Variants in NLGN1 observed in about 807,000 individuals in gnomAD.
The protein encoded by NLGN1 is neuroligin-1.
NLGN1 carries 12 observed loss-of-function variants against 65.5 expected under a neutral mutation model. The observed-to-expected ratio is 0.18, with a 90% CI of 0.12 to 0.30. The LOEUF (loss-of-function observed/expected upper bound fraction) is 0.30, where lower values mean the gene tolerates loss of function less well. NLGN1 is among the 10% of genes least tolerant of loss of function. The pLI is 1.00. For missense variants in NLGN1, 750 were observed against 1,007.1 expected (o/e 0.74, Z 3.46); for synonymous variants, 350 against 359.5 (o/e 0.97, Z 0.30).
intron 1 of NLGN1, among the ~76,000 whole-genome samples, chr3:173,419,515 A>G (rs1261579133): frequency 2.0e-5 from 3 of 152,042 alleles, no homozygotes; most frequent in Non-Finnish European, 4.4e-5. Context: ...CTTTGGATTT[A>G]GGCAGTTTTT....
intron 3 of NLGN1, among the ~76,000 whole-genome samples, chr3:173,700,973 A>T (rs936812702): frequency 2.6e-5 from 4 of 152,064 alleles, no homozygotes; most frequent in Middle Eastern, 3.2e-3. Context: ...AAAATACAAA[A>T]AATTAGCTGG....
chr3:173,614,445 C>T (rs953761507), intron 3 of NLGN1, among the ~76,000 whole-genome samples: 2 of 152,072 alleles, frequency 1.3e-5, no homozygotes, highest in South Asian at 2.1e-4. Flanking sequence ...CTGCAACATC[C>T]TCTAACTCTC....
intron 4 of NLGN1, among the ~76,000 whole-genome samples, chr3:174,104,086 C>T (rs990569510): frequency 4.6e-5 from 7 of 151,970 alleles, no homozygotes; most frequent in Non-Finnish European, 1.0e-4. Context: ...TTTCATTTCG[C>T]AGTCTTTTGC....
At chr3:173,866,663 G>T (rs1157659887) in intron 4 of NLGN1, among the ~76,000 whole-genome samples, 1 of 152,112 alleles carries the variant, frequency 6.6e-6, no homozygotes, top group Non-Finnish European at 1.5e-5. Flanking sequence ...TGATTTGTTG[G>T]TTTTATATAA....
chr3:173,724,927 C>T (rs188380045), intron 3 of NLGN1, among the ~76,000 whole-genome samples: 220 of 151,492 alleles, frequency 1.5e-3, no homozygotes, highest in Non-Finnish European at 2.1e-3. Flanking sequence ...CAAACTATCG[C>T]AAGGACAGAA....
chr3:173,794,696 G>A (rs1713620270), intron 3 of NLGN1, among the ~76,000 whole-genome samples: 1 of 152,124 alleles, frequency 6.6e-6, no homozygotes, highest in South Asian at 2.1e-4. Context: ...CAAATATAGT[G>A]TTAAAGAATA....
intron 2 of NLGN1, among the ~76,000 whole-genome samples, chr3:173,507,229 T>C (rs1259260022): frequency 1.3e-5 from 2 of 152,078 alleles, no homozygotes; most frequent in Admixed American, 6.6e-5. Flanking sequence ...ACCACACAAA[T>C]CTATGCTTTT....
chr3:174,058,700 T>C lies in NLGN1; in HGVS notation c.647-216615T>C, dbSNP rs560254952. Among the ~76,000 whole-genome samples, 4 of 152,246 alleles carry C rather than the reference T, an allele frequency of 2.6e-5. No individual in the cohort carries two copies. The East Asian group carries it at 7.7e-4, about 29-fold the overall frequency. On this transcript the variant is annotated intron_variant, in intron 4 of 6. Coordinates refer to ENST00000457714, the Ensembl canonical transcript of NLGN1. The stretch of plus-strand genomic sequence containing the variant: ...CTTATTATTTTACCTGACCTACCTC[T>C]GCCTGAACCTGTATGGGTAGTTTAG...
chr3:174,111,076 G>T (rs1715119117), intron 4 of NLGN1, among the ~76,000 whole-genome samples: 1 of 151,934 alleles, frequency 6.6e-6, no homozygotes, highest in Non-Finnish European at 1.5e-5. Context: ...CTGTATTTAA[G>T]TAATTATTTT....
chr3:173,825,614 T>G (rs1034137103), intron 4 of NLGN1, among the ~76,000 whole-genome samples: 11 of 152,118 alleles, frequency 7.2e-5, no homozygotes, highest in African/African-American at 2.7e-4. Flanking sequence ...AGTGGAAGCT[T>G]ACCTCTATTT....
At chr3:173,703,558 A>G (rs1449826841) in intron 3 of NLGN1, among the ~76,000 whole-genome samples, 1 of 152,250 alleles carries the variant, frequency 6.6e-6, no homozygotes, top group African/African-American at 2.4e-5. Flanking sequence ...AGTAAATATT[A>G]CAGTTGGCAA....
At chr3:173,607,690 A>G (rs190249100) in intron 3 of NLGN1, among the ~76,000 whole-genome samples, 22 of 151,762 alleles carry the variant, frequency 1.4e-4, no homozygotes, top group Admixed American at 1.1e-3. Context: ...TAGTCCCTTT[A>G]TATCTGTTTA....
At chr3:174,259,931 G>A (rs1225047053) in intron 4 of NLGN1, among the ~76,000 whole-genome samples, 8 of 141,386 alleles carry the variant, frequency 5.7e-5, no homozygotes, top group African/African-American at 1.3e-4. Flanking sequence ...GAGAATATAC[G>A]GTGTTTGGTT....
At chr3:174,159,952 T>C (rs1379816144) in intron 4 of NLGN1, among the ~76,000 whole-genome samples, 5 of 151,778 alleles carry the variant, frequency 3.3e-5, no homozygotes, top group African/African-American at 1.2e-4. Context: ...TCATGAGTAC[T>C]TGAAGTGGGC....
chr3:174,000,534 A>G (rs1455629348), intron 4 of NLGN1, among the ~76,000 whole-genome samples: 1 of 152,186 alleles, frequency 6.6e-6, no homozygotes, highest in African/African-American at 2.4e-5. Flanking sequence ...GTAGGTTTTA[A>G]AAAGGTAACA....
At chr3:173,556,842 C>T (rs1410465097) in intron 2 of NLGN1, among the ~76,000 whole-genome samples, 1 of 151,710 alleles carries the variant, frequency 6.6e-6, no homozygotes, top group Admixed American at 6.6e-5. Flanking sequence ...TAAGTTAATG[C>T]TATTGTGCCT....
At chr3:174,281,640 TA>T (rs978355297) in exon 7 of NLGN1, 4 of 206,190 alleles carry the variant, frequency 1.9e-5, no homozygotes, top group African/African-American at 9.3e-5. Flanking sequence ...AAAATAAAAA[TA>T]AAAAAACAAC....
At chr3:173,863,125 G>C (rs1200410597) in intron 4 of NLGN1, among the ~76,000 whole-genome samples, 1 of 150,562 alleles carries the variant, frequency 6.6e-6, no homozygotes, top group African/African-American at 2.5e-5. Flanking sequence ...CAATGTGAGC[G>C]ATGGCTGATA....
At chr3:174,107,388 C>A (rs945323389) in intron 4 of NLGN1, among the ~76,000 whole-genome samples, 3 of 152,090 alleles carry the variant, frequency 2.0e-5, no homozygotes, top group Admixed American at 1.3e-4. Flanking sequence ...GTAAATAAGA[C>A]AAAGTAAGAC....
Sources: gnomAD v4.1 joint callset for allele counts (sites outside exome capture counted in the v4.1 genomes callset) on GRCh38, gnomAD v4.1.1 for gene constraint, MANE v1.5 for transcripts, NCBI Gene and HGNC (gene_info 2026-07-23, HGNC 2026-07-21) for gene names.